The following TMEM132D variants were observed in gnomAD, a reference collection of about 807,000 sequenced individuals.
The protein encoded by TMEM132D is mature OL transmembrane protein.
A neutral mutation model predicts 62.3 loss-of-function variants in TMEM132D; 21 were observed. The observed-to-expected ratio is 0.34, with a 90% confidence interval of 0.24 to 0.49. The LOEUF (loss-of-function observed/expected upper bound fraction) is 0.49. Among genes scored for constraint, TMEM132D ranks in the 20% least tolerant of loss-of-function variants. The pLI is 0.99. For missense variants in TMEM132D, 1,346 were observed against 1,402.8 expected, an observed-to-expected ratio of 0.96 and a Z score of 0.65; for synonymous variants, 621 against 575.6, an observed-to-expected ratio of 1.08 and a Z score of -1.13.
intron 5 of TMEM132D, among the ~76,000 whole-genome samples, chr12:129,140,550 T>C (rs979486474): frequency 4.6e-5 from 7 of 152,268 alleles, no homozygotes; most frequent in African/African-American, 1.7e-4. Context: ...ATAGTGTTTC[T>C]GAGATTCACC....
chr12:129,822,985 T>C (rs1188847144), intron 1 of TMEM132D, among the ~76,000 whole-genome samples: 1 of 152,194 alleles, frequency 6.6e-6, no homozygotes, highest in Non-Finnish European at 1.5e-5. Flanking sequence ...AAGTGGATCA[T>C]GGGGCAGATT....
intron 4 of TMEM132D, among the ~76,000 whole-genome samples, chr12:129,324,192 T>A (rs1283351849): frequency 6.6e-6 from 1 of 152,102 alleles, no homozygotes; most frequent in Non-Finnish European, 1.5e-5. Context: ...AGGAAGTCTG[T>A]CTTAGCCTGG....
chr12:129,454,256 AG>A (rs1409203489), intron 3 of TMEM132D, among the ~76,000 whole-genome samples: 1 of 152,236 alleles, frequency 6.6e-6, no homozygotes, highest in Non-Finnish European at 1.5e-5. Flanking sequence ...GGAAAAGATT[AG>A]ACTTCAGATT....
At chr12:129,742,399 C>G (rs1445645846) in intron 1 of TMEM132D, among the ~76,000 whole-genome samples, 1 of 151,994 alleles carries the variant, frequency 6.6e-6, no homozygotes, top group Admixed American at 6.6e-5. Flanking sequence ...AAGAAGAGGT[C>G]CCAGACTCTT....
chr12:129,815,816 T>C (rs193044255), intron 1 of TMEM132D, among the ~76,000 whole-genome samples: 1 of 152,224 alleles, frequency 6.6e-6, no homozygotes, highest in Non-Finnish European at 1.5e-5. Context: ...TATTTTTTAA[T>C]AACTAGAAAT....
At chr12:129,560,251 G>GT in intron 2 of TMEM132D, among the ~76,000 whole-genome samples, 1 of 141,656 alleles carries the variant, frequency 7.1e-6, no homozygotes, top group Non-Finnish European at 1.5e-5. Flanking sequence ...TTTTGTTGTA[G>GT]TTTTTTTGCT....
chr12:129,337,201 C>T (rs1224221931), intron 4 of TMEM132D, among the ~76,000 whole-genome samples: 2 of 152,098 alleles, frequency 1.3e-5, no homozygotes, highest in East Asian at 3.9e-4. Context: ...GGGGACCAGG[C>T]GGGTGTTTGC....
At chr12:129,527,707 TAGG>T (rs1415220459) in intron 3 of TMEM132D, among the ~76,000 whole-genome samples, 1 of 152,204 alleles carries the variant, frequency 6.6e-6, no homozygotes, top group Non-Finnish European at 1.5e-5. Flanking sequence ...TAAGTTAACA[TAGG>T]AGTATACTGA....
At chr12:129,605,587 T>TTATATATATATATATATATAAATATATA (rs71301340) in intron 2 of TMEM132D, among the ~76,000 whole-genome samples, 1 of 107,384 alleles carries the variant, frequency 9.3e-6, no homozygotes, top group Non-Finnish European at 1.9e-5. Flanking sequence ...AAATTAGGCA[T>TTATATATATATATATATATAAATATATA]TATATATATA....
At chr12:129,358,650 T>C (rs1870152010) in intron 3 of TMEM132D, among the ~76,000 whole-genome samples, 1 of 152,130 alleles carries the variant, frequency 6.6e-6, no homozygotes, top group Non-Finnish European at 1.5e-5. Flanking sequence ...TTGGCAACTG[T>C]AAGAAAAGAA....
At chr12:129,629,601 T>A (rs1209166423) in intron 2 of TMEM132D, among the ~76,000 whole-genome samples, 1 of 152,202 alleles carries the variant, frequency 6.6e-6, no homozygotes, top group Non-Finnish European at 1.5e-5. Context: ...AGTGTTTCAT[T>A]TCTTATTACT....
chr12:129,321,704 G>GC (rs754405684), intron 4 of TMEM132D, among the ~76,000 whole-genome samples: 48 of 152,096 alleles, frequency 3.2e-4, no homozygotes, highest in Non-Finnish European at 6.0e-4. Context: ...GACTACAGGC[G>GC]CCCGCCACCA....
At chr12:129,708,631 ACACACACACACACAC>A (rs1169464488) in intron 1 of TMEM132D, among the ~76,000 whole-genome samples, 1 of 70,874 alleles carries the variant, frequency 1.4e-5, no homozygotes, top group Non-Finnish European at 2.4e-5. Context: ...AAAAAAAAAA[ACACACACACACACAC>A]ACACACACAC....
chr12:129,361,087 C>A (rs1870235346), intron 3 of TMEM132D, among the ~76,000 whole-genome samples: 1 of 152,042 alleles, frequency 6.6e-6, no homozygotes, highest in Non-Finnish European at 1.5e-5. Flanking sequence ...AAGGGATGTC[C>A]ACTGAGCAAT....
chr12:129,594,055 G>A (rs558987265), intron 2 of TMEM132D, among the ~76,000 whole-genome samples: 1 of 152,144 alleles, frequency 6.6e-6, no homozygotes, highest in South Asian at 2.1e-4. Flanking sequence ...GCTCACTTCT[G>A]GCTTCCGTGG....
chr12:129,881,423 G>A (rs1363019499), intron 1 of TMEM132D, among the ~76,000 whole-genome samples: 1 of 151,850 alleles, frequency 6.6e-6, no homozygotes, highest in African/African-American at 2.4e-5. Flanking sequence ...AACAAGCATT[G>A]AGCAAGGTAG....
chr12:129,147,318 G>GTA (rs1186285858), intron 5 of TMEM132D, among the ~76,000 whole-genome samples: 19 of 149,230 alleles, frequency 1.3e-4, no homozygotes, highest in African/African-American at 4.4e-4. Context: ...ATGTGTATAT[G>GTA]TATATATATA....
chr12:129,371,277 T>C lies in TMEM132D; in HGVS notation c.1116-33460A>G, dbSNP rs543426437. The stretch of plus-strand genomic sequence containing the variant: ...AGTGATGATGATGATGAAGGTGGTG[T>C]TGGTGACGATGATGATGATGATGGA... On this transcript the variant is annotated intron_variant, in intron 3 of 8. Coordinates refer to ENST00000422113, the MANE Select transcript of TMEM132D (RefSeq NM_133448.3). This position sits in a 1 kb window ranked among gnomAD's most constrained non-coding sequence, Gnocchi z 4.3. 1.8e-4 allele frequency among the ~76,000 whole-genome samples: 27 copies of C among 151,772 alleles called. No individual in the cohort carries two copies. In the South Asian group the frequency reaches 5.0e-3, roughly 28 times the overall value.
chr12:129,384,257 A>G lies in TMEM132D; in HGVS notation c.1116-46440T>C, dbSNP rs147198731. 2.7e-4 allele frequency among the ~76,000 whole-genome samples: 41 copies of G among 152,306 alleles called. 1 individual carries two copies. The East Asian group carries it at 7.7e-3, about 29-fold the overall frequency. ...TTATTGAAACTTTAACAGTGACTTA[A>G]ACAAAACAAAACAAACAAGTGAAAA... On this transcript the variant is annotated intron_variant, in intron 3 of 8. Transcript: ENST00000422113.
Sources: gnomAD v4.1 joint callset for allele counts (sites outside exome capture counted in the v4.1 genomes callset) on GRCh38, gnomAD v4.1.1 for gene constraint, Gnocchi (gnomAD v3.1) non-coding constraint, MANE v1.5 for transcripts, NCBI Gene and HGNC (gene_info 2026-07-23, HGNC 2026-07-21) for gene names.